The following STXBP5L variants were observed in gnomAD, a reference collection of about 807,000 sequenced individuals.
The protein encoded by STXBP5L is syntaxin binding protein 5L.
In STXBP5L, 65 loss-of-function variants were observed where a neutral mutation model predicts 144.5. The ratio of observed to expected loss-of-function variants is 0.45; its 90% CI spans 0.37 to 0.55. The LOEUF (loss-of-function observed/expected upper bound fraction) is 0.55, where lower values mean the gene tolerates loss of function less well. Ranked by LOEUF, STXBP5L falls within the 20% of genes least tolerant of loss-of-function variation. The probability of loss-of-function intolerance (pLI) is 0.00; values close to 1 mark genes in which losing one functional copy is unlikely to be tolerated. For missense variants in STXBP5L, 1,298 were observed against 1,405.5 expected, an observed-to-expected ratio of 0.92 and a Z score of 1.22; for synonymous variants, 505 against 469.6, an observed-to-expected ratio of 1.08 and a Z score of -0.97.
chr3:121,222,835 A>G (rs2049013606), intron 10 of STXBP5L, among the ~76,000 whole-genome samples, 168 bp from the exon 11 acceptor site: 1 of 152,170 alleles, frequency 6.6e-6, no homozygotes, highest in Non-Finnish European at 1.5e-5. Context: ...AAAGTGGGAA[A>G]TGGTAGAATA....
chr3:121,354,206 G>T (rs1039801573), intron 20 of STXBP5L, among the ~76,000 whole-genome samples: 9 of 152,134 alleles, frequency 5.9e-5, no homozygotes, highest in African/African-American at 1.9e-4. Flanking sequence ...TCTGTTTGTT[G>T]CAGAGCTGAG....
Position 121,381,285 on chromosome 3 carries a change from T to C in STXBP5L, c.2348-8T>C. On this transcript the variant is annotated splice_region_variant and splice_polypyrimidine_tract_variant and intron_variant, in intron 21 of 26. Coordinates refer to ENST00000471454, the MANE Select transcript of STXBP5L (RefSeq NM_001308330.2). ...ATTTGTGTGGTTTTTTTTTATTTAT[T>C]TCCATAGAAAACCGAGAAAATTCCT... 6.3e-7 allele frequency: 1 copy of C among 1,579,936 alleles called. No individual in the cohort carries two copies. Among genetic ancestry groups the C allele is most frequent in the Non-Finnish European group, 8.6e-7 (1 of 1,167,886 alleles).
At chr3:121,100,503 A>G (rs1321557101) in intron 5 of STXBP5L, among the ~76,000 whole-genome samples, 1 of 152,218 alleles carries the variant, frequency 6.6e-6, no homozygotes, top group African/African-American at 2.4e-5. Context: ...CTTTTGGTAA[A>G]CAATGAAATT....
chr3:121,256,352 T>A (rs533264408), intron 16 of STXBP5L, among the ~76,000 whole-genome samples: 1 of 152,174 alleles, frequency 6.6e-6, no homozygotes, highest in South Asian at 2.1e-4. Flanking sequence ...TTGTTTTCAA[T>A]CTTAAAAATG....
chr3:121,191,847 C>T (rs908359032), intron 9 of STXBP5L, among the ~76,000 whole-genome samples: 1 of 145,858 alleles, frequency 6.9e-6, no homozygotes, highest in African/African-American at 2.5e-5. Flanking sequence ...ATTGCAAGGA[C>T]AGAAAACCAA....
intron 3 of STXBP5L, among the ~76,000 whole-genome samples, chr3:121,026,327 C>T (rs1309497101): frequency 1.3e-5 from 2 of 151,958 alleles, no homozygotes; most frequent in Non-Finnish European, 2.9e-5. Flanking sequence ...CATGCCTGAG[C>T]TTTAAAGTCA....
intron 3 of STXBP5L, among the ~76,000 whole-genome samples, chr3:120,995,464 G>A (rs572670913): frequency 6.6e-4 from 100 of 152,086 alleles, no homozygotes; most frequent in Non-Finnish European, 1.4e-3. Context: ...TGTTTTTCTT[G>A]TTCTTCTGTT....
At chr3:121,253,685 G>A (rs942953243) in intron 15 of STXBP5L, among the ~76,000 whole-genome samples, 10 of 149,608 alleles carry the variant, frequency 6.7e-5, no homozygotes, top group African/African-American at 2.5e-4. Flanking sequence ...CTGGAGTGCA[G>A]TGGCGCAGTC....
chr3:121,346,345 C>A (rs928597790), intron 20 of STXBP5L, among the ~76,000 whole-genome samples: 1 of 152,136 alleles, frequency 6.6e-6, no homozygotes, highest in African/African-American at 2.4e-5. Flanking sequence ...TTAATCCACT[C>A]TATCACTGAT....
intron 2 of STXBP5L, among the ~76,000 whole-genome samples, chr3:120,918,539 A>G (rs1384605278): frequency 6.6e-6 from 1 of 152,194 alleles, no homozygotes; most frequent in Non-Finnish European, 1.5e-5. Flanking sequence ...CAAATCTCAG[A>G]CATTGTACCC....
At chr3:121,224,015 A>G (rs2049047363) in intron 11 of STXBP5L, among the ~76,000 whole-genome samples, 1 of 152,218 alleles carries the variant, frequency 6.6e-6, no homozygotes, top group African/African-American at 2.4e-5. Flanking sequence ...TCATGTTACA[A>G]CAACATAGTA....
intron 9 of STXBP5L, among the ~76,000 whole-genome samples, chr3:121,194,163 C>T (rs1235441737): frequency 6.6e-6 from 1 of 152,076 alleles, no homozygotes; most frequent in African/African-American, 2.4e-5. Context: ...AAAGAAACCA[C>T]GTACCTATTA....
At chr3:121,357,856 C>G (rs1166536631) in intron 20 of STXBP5L, 4 of 152,168 alleles carry the variant, frequency 2.6e-5, no homozygotes, top group African/African-American at 7.2e-5. Context: ...AGAGCCACAA[C>G]CACAGACAGC....
chr3:120,977,104 A>T (rs1434214543), intron 3 of STXBP5L, among the ~76,000 whole-genome samples: 1 of 151,998 alleles, frequency 6.6e-6, no homozygotes, highest in Non-Finnish European at 1.5e-5. Flanking sequence ...TATCCTTGTT[A>T]CCTTTCTGTC....
chr3:121,075,987 G>A (rs2042003715), intron 5 of STXBP5L, among the ~76,000 whole-genome samples: 1 of 152,214 alleles, frequency 6.6e-6, no homozygotes, highest in South Asian at 2.1e-4. Flanking sequence ...TTAGGAAAAT[G>A]GACTGCATTA....
intron 11 of STXBP5L, among the ~76,000 whole-genome samples, chr3:121,232,815 G>T (rs188925473): frequency 6.6e-6 from 1 of 152,132 alleles, no homozygotes; most frequent in African/African-American, 2.4e-5. Context: ...TATAGTCAGC[G>T]CGTAATAAGT....
intron 14 of STXBP5L, among the ~76,000 whole-genome samples, chr3:121,249,137 A>C (rs2049952698): frequency 6.6e-6 from 1 of 151,970 alleles, no homozygotes; most frequent in South Asian, 2.1e-4. Flanking sequence ...TTTCATATGA[A>C]ATTTTGAATA....
intron 19 of STXBP5L, among the ~76,000 whole-genome samples, chr3:121,289,981 A>G (rs890511828): frequency 5.3e-5 from 8 of 152,144 alleles, no homozygotes; most frequent in Non-Finnish European, 1.0e-4. Context: ...TAGACAATCT[A>G]AGGTCACACC....
At chr3:121,043,566 G>A (rs997038004) in intron 4 of STXBP5L, among the ~76,000 whole-genome samples, 1 of 152,040 alleles carries the variant, frequency 6.6e-6, no homozygotes, top group East Asian at 1.9e-4. Flanking sequence ...AAAATTAGTT[G>A]GACGTGGTTG....
Sources: gnomAD v4.1 joint callset for allele counts (sites outside exome capture counted in the v4.1 genomes callset) on GRCh38, gnomAD v4.1.1 for gene constraint, MANE v1.5 for transcripts, NCBI Gene and HGNC (gene_info 2026-07-23, HGNC 2026-07-21) for gene names.